GLRA2: variants seen among roughly 807,000 people sequenced by gnomAD.
GLRA2 encodes glycine receptor subunit alpha-2.
GLRA2 carries 11 observed loss-of-function variants against 31.6 expected under a neutral mutation model. The ratio of observed to expected loss-of-function variants is 0.35; its 90% CI spans 0.22 to 0.58. GLRA2 has a LOEUF of 0.58. GLRA2 is among the 20% of genes least tolerant of loss of function. GLRA2 has a pLI of 0.84. For synonymous variants in GLRA2, 132 were observed against 134.0 expected (o/e 0.99, Z 0.10); for missense variants, 212 against 351.8 (o/e 0.60, Z 3.18).
chrX:14,549,536 T>C (rs2147023681), intron 2 of GLRA2, among the ~76,000 whole-genome samples: 1 of 111,291 alleles, frequency 9.0e-6, no homozygotes, highest in East Asian at 2.9e-4. Context: ...GGAGTGGCAA[T>C]GGGTTAGAAA....
At chrX:14,653,770 G>C (rs1352997494) in intron 7 of GLRA2, among the ~76,000 whole-genome samples, 1 of 112,453 alleles carries the variant, frequency 8.9e-6, no homozygotes, top group East Asian at 2.8e-4. Context: ...ACATGATACA[G>C]AGAAATCTTT....
chrX:14,645,990 A>C (rs959185809), intron 7 of GLRA2, among the ~76,000 whole-genome samples: 1 of 112,112 alleles, frequency 8.9e-6, no homozygotes, highest in Non-Finnish European at 1.9e-5. Context: ...ACAGTTGGAC[A>C]ATGCTCCAGA....
the GLRA2 span, among the ~76,000 whole-genome samples, chrX:14,491,343 C>T: frequency 6.3e-5 from 7 of 111,392 alleles, no homozygotes; most frequent in Admixed American, 2.9e-4. Context: ...TATAAACTGG[C>T]GGTTTTGTTC....
At chrX:14,639,899 T>G (rs994694193) in intron 7 of GLRA2, among the ~76,000 whole-genome samples, 3 of 112,314 alleles carry the variant, frequency 2.7e-5, no homozygotes, top group Non-Finnish European at 3.8e-5. Context: ...ATGTTAAAAA[T>G]ATTCATAGTA....
At chrX:14,496,556 C>G in the GLRA2 span, among the ~76,000 whole-genome samples, 2 of 111,888 alleles carry the variant, frequency 1.8e-5, no homozygotes, top group African/African-American at 3.2e-5. Context: ...TTAGCTGACC[C>G]TGCTTTCCAA....
chrX:14,577,350 C>T (rs189935787), intron 3 of GLRA2, among the ~76,000 whole-genome samples: 58 of 112,993 alleles, frequency 5.1e-4, no homozygotes, highest in African/African-American at 1.8e-3. Context: ...TTTAGGGCAT[C>T]AATATTTAAG....
At chrX:14,726,888 C>T (rs1334617831) in intron 8 of GLRA2, among the ~76,000 whole-genome samples, 1 of 112,104 alleles carries the variant, frequency 8.9e-6, no homozygotes, top group East Asian at 2.8e-4. Flanking sequence ...AGAACATTAT[C>T]TTACTGAGGC....
At chrX:14,710,998 C>T (rs1274439288) in intron 8 of GLRA2, among the ~76,000 whole-genome samples, 1 of 112,366 alleles carries the variant, frequency 8.9e-6, no homozygotes, top group Non-Finnish European at 1.9e-5. Context: ...AAAGTTCATC[C>T]TCATATAGAG....
the GLRA2 span, among the ~76,000 whole-genome samples, chrX:14,467,000 T>C: frequency 8.9e-6 from 1 of 112,044 alleles, no homozygotes; most frequent in Non-Finnish European, 1.9e-5. Context: ...TGACCTGTGC[T>C]GCCCAGCTTC....
At chrX:14,727,892 CTT>C (rs1237174783) in intron 8 of GLRA2, among the ~76,000 whole-genome samples, 1 of 111,736 alleles carries the variant, frequency 8.9e-6, no homozygotes, top group East Asian at 2.8e-4. Context: ...CCTTGTCCAA[CTT>C]CATCAATTGT....
intron 7 of GLRA2, among the ~76,000 whole-genome samples, chrX:14,678,970 C>T (rs1023618191): frequency 9.0e-6 from 1 of 110,953 alleles, no homozygotes; most frequent in Non-Finnish European, 1.9e-5. Context: ...AAGATTTTAG[C>T]GGTCCTAACA....
Position 14,637,556 on chromosome X carries a change from T to C in GLRA2, c.930+28351T>C, listed in dbSNP as rs556866792. Among the ~76,000 whole-genome samples, 68 of 112,140 alleles carry C rather than the reference T, an allele frequency of 6.1e-4. 1 individual carries two copies. In the South Asian group the frequency reaches 0.025, roughly 41 times the overall value. On this transcript the variant is annotated intron_variant, in intron 7 of 8. Transcript: ENST00000218075. ...CTCCTAAGCTCTGAAAACCAAAAGG[T>C]TTCCCACAGCTCATTTGGCAGCAAA...
chrX:14,483,859 A>C, the GLRA2 span, among the ~76,000 whole-genome samples: 1 of 111,481 alleles, frequency 9.0e-6, no homozygotes, highest in Non-Finnish European at 1.9e-5. Flanking sequence ...CTGGGTGAGC[A>C]CTATCTAATC....
chrX:14,479,524 C>A, the GLRA2 span, among the ~76,000 whole-genome samples: 1 of 111,268 alleles, frequency 9.0e-6, no homozygotes, highest in Middle Eastern at 4.6e-3. Context: ...GTTAGTTTTT[C>A]AACCCTGACT....
chrX:14,523,389 A>C, the GLRA2 span, among the ~76,000 whole-genome samples: 2 of 112,100 alleles, frequency 1.8e-5, no homozygotes, highest in African/African-American at 6.5e-5. Flanking sequence ...AGCTTTCTCC[A>C]TATCAGCGAT....
At chrX:14,725,502 G>A (rs1360998639) in intron 8 of GLRA2, among the ~76,000 whole-genome samples, 2 of 111,691 alleles carry the variant, frequency 1.8e-5, no homozygotes, top group African/African-American at 6.5e-5. Context: ...AGGAGGCTCA[G>A]TCCAATAAAA....
In GLRA2 at chrX:14,558,825, A is replaced by T. The variant is rs1037032423; in HGVS notation, c.203-15508A>T. 3.7e-3 allele frequency among the ~76,000 whole-genome samples: 378 copies of T among 100,929 alleles called. 2 individuals are homozygous for T. The highest frequency in any genetic ancestry group is 6.1e-3 in the Non-Finnish European group (298 of 49,124). The allele number at this position is 100,929 out of a possible 115,157, so 87.6% of individuals were successfully genotyped here. A position where few individuals can be genotyped will look rare whatever the true frequency, so the allele number is the denominator to read the frequency against. ...GTGTTAATTAATTGCTTTGTCTAGA[A>T]TTTTTTTTTTTTTTTCTGAGACAGA... On this transcript the variant is annotated intron_variant, in intron 2 of 8. Coordinates refer to ENST00000218075, the MANE Select transcript of GLRA2 (RefSeq NM_002063.4).
chrX:14,627,470 C>T (rs1329374849), intron 7 of GLRA2, among the ~76,000 whole-genome samples: 1 of 111,604 alleles, frequency 9.0e-6, no homozygotes, highest in Non-Finnish European at 1.9e-5. Context: ...ACTAATATCC[C>T]TTCAACCTTT....
the GLRA2 span, among the ~76,000 whole-genome samples, chrX:14,496,279 C>T: frequency 9.0e-6 from 1 of 111,543 alleles, no homozygotes; most frequent in African/African-American, 3.3e-5. Context: ...AATGGTCTTA[C>T]CTTGTATCTT....
Sources: allele counts gnomAD v4.1 joint callset (sites outside exome capture counted in the v4.1 genomes callset), GRCh38; gene constraint gnomAD v4.1.1; transcripts MANE v1.5; gene names NCBI Gene and HGNC (gene_info 2026-07-23, HGNC 2026-07-21).